The following MTRES1 variants were observed in gnomAD, a reference collection of about 807,000 sequenced individuals.
MTRES1 encodes the protein mitochondrial transcription rescue factor 1.
MTRES1 carries 11 observed loss-of-function variants against 17.4 expected under a neutral mutation model. That is an observed-to-expected ratio of 0.63 (90% CI 0.40 to 1.05). MTRES1 has a LOEUF of 1.05. MTRES1 is among the 50% of genes least tolerant of loss of function. The pLI, the probability that MTRES1 is intolerant of heterozygous loss-of-function variation, is 0.00. For synonymous variants in MTRES1, 94 were observed against 99.6 expected (o/e 0.94, Z 0.34); for missense variants, 268 against 276.2 (o/e 0.97, Z 0.21).
intron 1 of MTRES1, among the ~76,000 whole-genome samples, chr6:107,035,230 T>G (rs972059770): frequency 6.6e-6 from 1 of 151,220 alleles, no homozygotes; most frequent in South Asian, 2.1e-4. Context: ...GCCTCCCAGG[T>G]TCAAGCAATT....
chr6:107,029,970 C>T, intron 1 of MTRES1: 1 of 667,006 alleles, frequency 1.5e-6, no homozygotes, highest in Non-Finnish European at 2.7e-6. Flanking sequence ...TAACCACCAG[C>T]TATCATATAA....
chr6:107,042,378 C>T (rs1324889641), intron 2 of MTRES1, among the ~76,000 whole-genome samples: 1 of 147,678 alleles, frequency 6.8e-6, no homozygotes, highest in Non-Finnish European at 1.5e-5. Flanking sequence ...AATGAGCCAG[C>T]CCACAGGCCC....
chr6:107,051,002 A>T lies in MTRES1; in HGVS notation c.544-55A>T, dbSNP rs1554229136. 2.8e-6 allele frequency: 4 copies of T among 1,447,684 alleles called. No homozygotes were observed. The East Asian group carries it at 9.1e-5, about 33-fold the overall frequency. The allele number at this position is 1,447,684 out of a possible 1,614,324, so 89.7% of individuals were successfully genotyped here. ...GAAAACTCAGAGCAGTAATGTTTGC[A>T]TTGGCCTGGATTTCCCGAAGTGTAA... On this transcript the variant is annotated intron_variant, in intron 3 of 3. Coordinates refer to ENST00000311381, the MANE Select transcript of MTRES1 (RefSeq NM_016487.5).
chr6:107,033,709 T>C (rs1295669445), intron 1 of MTRES1, among the ~76,000 whole-genome samples: 1 of 152,070 alleles, frequency 6.6e-6, no homozygotes, highest in Admixed American at 6.6e-5. Context: ...TCCCAGCTAC[T>C]TGGGAGGCTG....
At chr6:107,041,039 G>A (rs148234904) in intron 2 of MTRES1, 4,243 of 148,128 alleles carry the variant, frequency 0.029, 112 homozygotes, top group East Asian at 0.08. Context: ...ATCCTGGCTA[G>A]CACGGTGAAA....
At chr6:107,045,091 G>A (rs1398198733) in intron 3 of MTRES1, among the ~76,000 whole-genome samples, 2 of 151,876 alleles carry the variant, frequency 1.3e-5, no homozygotes, top group Admixed American at 6.6e-5. Context: ...AGGCTGAGAC[G>A]GGAGGATTAT....
At chr6:107,035,332 C>T (rs1452955957) in intron 1 of MTRES1, among the ~76,000 whole-genome samples, 2 of 151,974 alleles carry the variant, frequency 1.3e-5, no homozygotes, top group Non-Finnish European at 2.9e-5. Flanking sequence ...CGGGTTTCTC[C>T]ATGTTAGGCT....
chr6:107,034,648 G>A (rs1163289255), intron 1 of MTRES1, among the ~76,000 whole-genome samples: 2 of 152,148 alleles, frequency 1.3e-5, no homozygotes, highest in African/African-American at 2.4e-5. Flanking sequence ...ATGAGTTAAC[G>A]TGTAGAGCAA....
chr6:107,034,918 C>T (rs1022569453), intron 1 of MTRES1, among the ~76,000 whole-genome samples: 2 of 149,016 alleles, frequency 1.3e-5, no homozygotes, highest in African/African-American at 2.5e-5. Flanking sequence ...ACCTGGAAGG[C>T]GGAGGTTGCA....
intron 1 of MTRES1, among the ~76,000 whole-genome samples, chr6:107,032,467 C>T (rs1369398389): frequency 1.3e-5 from 2 of 152,110 alleles, no homozygotes; most frequent in African/African-American, 2.4e-5. Context: ...AATTCCAGCA[C>T]TTTGGGAGGC....
intron 1 of MTRES1, among the ~76,000 whole-genome samples, chr6:107,032,226 C>T (rs1366939137): frequency 1.3e-5 from 2 of 152,186 alleles, no homozygotes; most frequent in East Asian, 1.9e-4. Flanking sequence ...CTCTCCTTTA[C>T]TATAGCCACC....
At chr6:107,036,760 G>A (rs1421336764) in intron 1 of MTRES1, among the ~76,000 whole-genome samples, 1 of 151,534 alleles carries the variant, frequency 6.6e-6, no homozygotes, top group African/African-American at 2.4e-5. Flanking sequence ...GGAGAATGGC[G>A]AATGGCGTGA....
rs1439657364 is a variant in MTRES1, at chr6:107,037,027, G to C, written c.-12-2722G>C. Among the ~76,000 whole-genome samples, 4 of 151,546 alleles carry C rather than the reference G, an allele frequency of 2.6e-5. No homozygotes were observed. In the South Asian group the frequency reaches 8.4e-4, roughly 32 times the overall value. ...ACTCCTGGGCTCAAGCAGTCCTCCT[G>C]CCTCAGCTTCCCAAAGTGCTGGGAT... is the stretch of plus-strand genomic sequence containing the variant. On this transcript the variant is annotated intron_variant, in intron 1 of 3. Transcript: ENST00000311381.
At chr6:107,048,111 A>G (rs1290749133) in intron 3 of MTRES1, among the ~76,000 whole-genome samples, 11 of 152,064 alleles carry the variant, frequency 7.2e-5, no homozygotes, top group African/African-American at 2.7e-4. Flanking sequence ...GGTTATACCA[A>G]AAAGGTAAAG....
At chr6:107,035,752 G>T (rs938194907) in intron 1 of MTRES1, among the ~76,000 whole-genome samples, 1 of 151,742 alleles carries the variant, frequency 6.6e-6, no homozygotes, top group Non-Finnish European at 1.5e-5. Flanking sequence ...GGGTTCAAGC[G>T]ATTCTCCTGC....
intron 1 of MTRES1, among the ~76,000 whole-genome samples, chr6:107,037,954 G>A (rs1387615024): frequency 6.6e-6 from 1 of 151,904 alleles, no homozygotes; most frequent in Non-Finnish European, 1.5e-5. Context: ...CCTGACCTCA[G>A]GAGATCCACC....
chr6:107,032,314 G>T (rs1184107017), intron 1 of MTRES1, among the ~76,000 whole-genome samples: 1 of 152,158 alleles, frequency 6.6e-6, no homozygotes, highest in African/African-American at 2.4e-5. Context: ...TGTCATCAGG[G>T]AACTGCCATT....
chr6:107,042,914 T>C (rs1336649434), intron 2 of MTRES1, among the ~76,000 whole-genome samples: 4 of 152,306 alleles, frequency 2.6e-5, no homozygotes, highest in Middle Eastern at 3.4e-3. Flanking sequence ...AGCAAATCTT[T>C]GCAGCAGTTC....
chr6:107,040,195 T>A lies in MTRES1; in HGVS notation c.435T>A (p.Asp145Glu), dbSNP rs1554227528. ...LEKAVQSFRY[D>E]VVLKTGLDIG... ...AAGCAGTTCAGTCTTTTCGGTATGATGTTGTCCTGAAGACGGGGCTAGATA... is the reference window on the plus strand; with the variant it reads ...AAGCAGTTCAGTCTTTTCGGTATGAAGTTGTCCTGAAGACGGGGCTAGATA... Residue 145 changes from aspartate to glutamate, a missense_variant, in exon 2 of 4, where the codon GAT (aspartate) becomes GAA (glutamate). Coordinates refer to ENST00000311381, the MANE Select transcript of MTRES1 (RefSeq NM_016487.5). The A allele has an allele frequency of 6.2e-7, 1 of 1,606,330 alleles. No homozygotes were observed. Among genetic ancestry groups the A allele is most frequent in the Admixed American group, 1.7e-5 (1 of 57,752 alleles).
Sources: gnomAD v4.1 joint callset for allele counts (sites outside exome capture counted in the v4.1 genomes callset) on GRCh38, gnomAD v4.1.1 for gene constraint, MANE v1.5 for transcripts, NCBI Gene and HGNC (gene_info 2026-07-23, HGNC 2026-07-21) for gene names.